The following AKAP19 variants were observed in gnomAD, a reference collection of about 807,000 sequenced individuals.
AKAP19 encodes the protein small A-kinase anchoring protein.
the AKAP19 span, among the ~76,000 whole-genome samples, chr2:190,179,407 CAAAAA>C: frequency 4.1e-4 from 60 of 145,796 alleles, no homozygotes; most frequent in Non-Finnish European, 7.8e-4. The surrounding 1 kb of genome is among the most constrained non-coding windows in gnomAD (Gnocchi z 6.0). Context: ...GACTCCATCT[CAAAAA>C]AAAGAAAAAA....
At chr2:190,089,208 C>T in the AKAP19 span, among the ~76,000 whole-genome samples, 2 of 152,128 alleles carry the variant, frequency 1.3e-5, no homozygotes, top group Non-Finnish European at 2.9e-5. Flanking sequence ...ATGTCCATTT[C>T]AACTAGGTTT....
the AKAP19 span, among the ~76,000 whole-genome samples, chr2:190,038,310 C>G: frequency 6.6e-6 from 1 of 152,172 alleles, no homozygotes; most frequent in Non-Finnish European, 1.5e-5. Context: ...GCCTGTTCAA[C>G]AAGCTGCACC....
the AKAP19 span, among the ~76,000 whole-genome samples, chr2:189,882,449 G>A: frequency 6.6e-6 from 1 of 152,112 alleles, no homozygotes; most frequent in Non-Finnish European, 1.5e-5. Flanking sequence ...CAATCAATAT[G>A]CGTAAGATGT....
At chr2:190,088,034 T>G in the AKAP19 span, among the ~76,000 whole-genome samples, 771 of 152,242 alleles carry the variant, frequency 5.1e-3, 11 homozygotes, top group African/African-American at 0.017. Flanking sequence ...AGGAAAAAAT[T>G]ACAGAGATCA....
chr2:189,999,473 CTT>C, the AKAP19 span, among the ~76,000 whole-genome samples: 2 of 152,004 alleles, frequency 1.3e-5, no homozygotes, highest in African/African-American at 4.8e-5. Context: ...TATTTGGAAT[CTT>C]TTTATATTAG....
chr2:190,014,619 C>T, the AKAP19 span, among the ~76,000 whole-genome samples: 21 of 152,080 alleles, frequency 1.4e-4, no homozygotes, highest in African/African-American at 4.8e-4. Context: ...CAAATCCTGC[C>T]TTTCCAACAG....
At chr2:189,957,905 T>C in the AKAP19 span, among the ~76,000 whole-genome samples, 1 of 152,188 alleles carries the variant, frequency 6.6e-6, no homozygotes, top group African/African-American at 2.4e-5. Context: ...GCAATTTTCC[T>C]GCCTTGGCCT....
chr2:190,097,519 G>A, the AKAP19 span, among the ~76,000 whole-genome samples: 1 of 152,116 alleles, frequency 6.6e-6, no homozygotes, highest in Admixed American at 6.6e-5. Context: ...ATGCAGTGCT[G>A]TTTGATAGCA....
the AKAP19 span, among the ~76,000 whole-genome samples, chr2:190,141,033 A>C: frequency 6.6e-6 from 1 of 152,202 alleles, no homozygotes; most frequent in African/African-American, 2.4e-5. Flanking sequence ...GCTAAAGCAT[A>C]GCAAGTGTGA....
the AKAP19 span, among the ~76,000 whole-genome samples, chr2:190,086,903 G>T: frequency 2.0e-5 from 3 of 152,290 alleles, no homozygotes; most frequent in African/African-American, 7.2e-5. Context: ...GTGCCTTGAA[G>T]ACCTCAAAGT....
chr2:189,951,106 A>G, the AKAP19 span, among the ~76,000 whole-genome samples: 1,028 of 151,720 alleles, frequency 6.8e-3, 4 homozygotes, highest in Non-Finnish European at 0.011. Flanking sequence ...TTCTGTTGTG[A>G]CAATCAAATC....
the AKAP19 span, among the ~76,000 whole-genome samples, chr2:189,973,996 C>T: frequency 6.6e-6 from 1 of 152,044 alleles, no homozygotes; most frequent in Non-Finnish European, 1.5e-5. Flanking sequence ...CTGCTCTGAT[C>T]TTAGTTATTT....
the AKAP19 span, among the ~76,000 whole-genome samples, chr2:189,996,540 T>A: frequency 5.3e-5 from 8 of 152,234 alleles, no homozygotes; most frequent in Admixed American, 5.2e-4. Context: ...TTCACCTTTC[T>A]CTGGTATCTC....
chr2:189,976,193 A>G, the AKAP19 span, among the ~76,000 whole-genome samples: 2 of 152,152 alleles, frequency 1.3e-5, no homozygotes, highest in Non-Finnish European at 2.9e-5. Flanking sequence ...TTTTCCTTCT[A>G]ACAGTCAGGA....
the AKAP19 span, among the ~76,000 whole-genome samples, chr2:190,121,175 A>G: frequency 6.9e-6 from 1 of 144,762 alleles, no homozygotes; most frequent in Admixed American, 7.0e-5. Context: ...GTGCAGTGGC[A>G]TATCATGGCT....
the AKAP19 span, among the ~76,000 whole-genome samples, chr2:190,131,817 G>GA: frequency 3.9e-5 from 6 of 151,952 alleles, no homozygotes; most frequent in Non-Finnish European, 7.4e-5. Flanking sequence ...GTATGTAGAG[G>GA]AAAAAAATAT....
the AKAP19 span, among the ~76,000 whole-genome samples, chr2:189,996,028 TTCTTTCC>T: frequency 6.6e-6 from 1 of 152,236 alleles, no homozygotes; most frequent in African/African-American, 2.4e-5. Flanking sequence ...TCTCTTAAGA[TTCTTTCC>T]TTCGTCTTGA....
chr2:190,202,874 G>A, the AKAP19 span: 21 of 167,048 alleles, frequency 1.3e-4, no homozygotes, highest in African/African-American at 5.1e-4. Flanking sequence ...TTCCCCAGTT[G>A]TCGCTTATGT....
At chr2:190,018,663 G>A in the AKAP19 span, among the ~76,000 whole-genome samples, 1 of 151,946 alleles carries the variant, frequency 6.6e-6, no homozygotes, top group African/African-American at 2.4e-5. Flanking sequence ...TATTTTGGGG[G>A]CTTTATTATT....
Sources: gnomAD v4.1 joint callset for allele counts (sites outside exome capture counted in the v4.1 genomes callset) on GRCh38, gnomAD v4.1.1 for gene constraint, Gnocchi (gnomAD v3.1) non-coding constraint, MANE v1.5 for transcripts, NCBI Gene and HGNC (gene_info 2026-07-23, HGNC 2026-07-21) for gene names.